Variants in HECTD4 observed in about 807,000 individuals in gnomAD.
The protein encoded by HECTD4 is HECT domain E3 ubiquitin protein ligase 4.
HECTD4 carries 114 observed loss-of-function variants against 471.5 expected under a neutral mutation model. The observed-to-expected ratio is 0.24, with a 90% CI of 0.21 to 0.28. HECTD4 has a LOEUF of 0.28. HECTD4 is among the 10% of genes least tolerant of loss of function. The probability of loss-of-function intolerance (pLI) is 1.00; values close to 1 mark genes in which losing one functional copy is unlikely to be tolerated. For synonymous variants in HECTD4, 2,012 were observed against 2,256.0 expected, an observed-to-expected ratio of 0.89 and a Z score of 3.07; for missense variants, 3,866 against 5,651.5, an observed-to-expected ratio of 0.68 and a Z score of 10.13.
chr12:112,228,135 C>G lies in HECTD4; in HGVS notation c.6808G>C (p.Ala2270Pro). 3.1e-6 allele frequency: 5 copies of G among 1,613,732 alleles called. No homozygotes were observed. The highest frequency in any genetic ancestry group is 4.2e-6 in the Non-Finnish European group (5 of 1,179,766). ...TSLPATGDGS[A>P]PVMAVVRLLA... is the part of the protein sequence containing the mutation. ...AGCCGAACGACTGCCATCACAGGAG[C>G]TGACCCATCTCCTGTTGCAGGAAGT... The change falls in exon 43 of 76, where the codon GCT becomes CCT. Residue 2270 changes from alanine (A) to proline (P), a missense_variant. By Grantham distance (27) the Ala-to-Pro change is conservative. This residue lies in a region of HECTD4 where 617 missense variants were observed against 915.1 expected (regional missense o/e 0.67). Coordinates refer to ENST00000682272, the MANE Select transcript of HECTD4 (RefSeq NM_001388303.1). This position sits in a 1 kb window ranked among gnomAD's most constrained non-coding sequence, Gnocchi z 4.9.
intron 50 of HECTD4, 138 bp downstream of exon 50, chr12:112,209,877 G>A: frequency 1.4e-6 from 1 of 691,784 alleles, no homozygotes; most frequent in Non-Finnish European, 2.5e-6. Context: ...CCAGGCCTGT[G>A]ACCCCATTAC....
At chr12:112,292,553 T>C (rs1387471211) in intron 7 of HECTD4, among the ~76,000 whole-genome samples, 2 of 152,212 alleles carry the variant, frequency 1.3e-5, no homozygotes, top group South Asian at 2.1e-4. Context: ...CTACCTGGCA[T>C]GTAGAAGGCC....
chr12:112,192,052 A>T (rs2032096446), intron 59 of HECTD4, among the ~76,000 whole-genome samples: 1 of 152,206 alleles, frequency 6.6e-6, no homozygotes, highest in South Asian at 2.1e-4. Context: ...GTTTCAGGGC[A>T]TGTGGAGGCA....
chr12:112,182,092 TA>T (rs202020787), intron 62 of HECTD4, among the ~76,000 whole-genome samples: 26 of 146,418 alleles, frequency 1.8e-4, no homozygotes, highest in Non-Finnish European at 2.3e-4. Flanking sequence ...GACTCTGTCT[TA>T]AAAAAAAAAA....
chr12:112,246,639 A>C (rs1029731617), intron 29 of HECTD4, among the ~76,000 whole-genome samples: 5 of 152,230 alleles, frequency 3.3e-5, no homozygotes, highest in African/African-American at 1.2e-4. Context: ...AGTCTCAAAA[A>C]ATAAAATAAA....
chr12:112,290,464 T>C (rs1323328316), intron 7 of HECTD4, among the ~76,000 whole-genome samples: 1 of 151,548 alleles, frequency 6.6e-6, no homozygotes, highest in Non-Finnish European at 1.5e-5. Context: ...GGTTCTAGGC[T>C]GCAGTGAACT....
chr12:112,354,500 A>T (rs1314252658), intron 1 of HECTD4, among the ~76,000 whole-genome samples: 1 of 152,210 alleles, frequency 6.6e-6, no homozygotes, highest in East Asian at 1.9e-4. Context: ...AGTCTGAGCA[A>T]ACATGGTGAA....
intron 29 of HECTD4, among the ~76,000 whole-genome samples, chr12:112,244,634 G>A (rs1020316597): frequency 6.6e-6 from 1 of 152,202 alleles, no homozygotes; most frequent in Non-Finnish European, 1.5e-5. Flanking sequence ...GCCTCCCAAA[G>A]TGCCAGGATT....
At position 112,207,990 on chromosome 12, in the gene HECTD4, T is replaced by G; in HGVS notation, c.8015A>C (p.Tyr2672Ser). 6.2e-7 allele frequency: 1 copy of G among 1,613,334 alleles called. No homozygotes were observed. Among genetic ancestry groups the G allele is most frequent in the Non-Finnish European group, 8.5e-7 (1 of 1,179,602 alleles). The change falls in exon 52 of 76, where the codon TAC (tyrosine) becomes TCC (serine). Residue 2672 changes from tyrosine to serine, a missense_variant. This residue lies in a region of HECTD4 where 266 missense variants were observed against 441.6 expected (regional missense o/e 0.60). Transcript: ENST00000682272. ...CTCCCATGCTTTCACCAGCAGGGCG[T>G]AGTGGTCCTCCTGGAAGCAGAAGGA... ...DDDDIPQEDH[Y>S]ALLVKAWETK...
At chr12:112,244,553 T>C (rs544187832) in intron 29 of HECTD4, among the ~76,000 whole-genome samples, 70 of 152,230 alleles carry the variant, frequency 4.6e-4, no homozygotes, top group African/African-American at 1.6e-3. Context: ...ATTTTTTTAG[T>C]AGAGACGGGG....
intron 72 of HECTD4, 22 bp downstream of exon 72, chr12:112,167,295 C>G (rs770659789): frequency 6.3e-7 from 1 of 1,589,812 alleles, no homozygotes; most frequent in Non-Finnish European, 8.6e-7. Context: ...TGCAGCCCCC[C>G]AGAACTGTGC....
chr12:112,288,484 T>C (rs1437896436), intron 7 of HECTD4, among the ~76,000 whole-genome samples: 1 of 151,768 alleles, frequency 6.6e-6, no homozygotes, highest in Non-Finnish European at 1.5e-5. Context: ...TAGCCAGGCA[T>C]GGTGGCATGA....
intron 70 of HECTD4, among the ~76,000 whole-genome samples, chr12:112,168,366 C>T (rs951952177): frequency 1.3e-5 from 2 of 152,138 alleles, no homozygotes; most frequent in Admixed American, 6.5e-5. Context: ...TGCCCGGGCT[C>T]GCGTATGTCC....
At chr12:112,178,502 G>A (rs1259796491) in intron 64 of HECTD4, among the ~76,000 whole-genome samples, 1 of 152,154 alleles carries the variant, frequency 6.6e-6, no homozygotes, top group Non-Finnish European at 1.5e-5. Context: ...TCACCTGATG[G>A]AGCTGAGGAC....
In HECTD4 at chr12:112,184,412, C is replaced by T; in HGVS notation, c.10554G>A (p.Leu3518=). The change falls in exon 61 of 76, where the codon CTG becomes CTA. Residue 3518 remains leucine (L), a synonymous_variant. Coordinates refer to ENST00000682272, the MANE Select transcript of HECTD4 (RefSeq NM_001388303.1). This position sits in a 1 kb window ranked among gnomAD's most constrained non-coding sequence, Gnocchi z 9.1. ...SVDPLPAGLE[L]PIPPGLLEPH... is the part of the protein sequence containing the mutation. ...GCTCCAACAGGCCCGGAGGGATGGG[C>T]AGCTCGAGGCCGGCAGGCAGCGGAT... The T allele has an allele frequency of 3.1e-6, 5 of 1,605,918 alleles. No individual in the cohort carries two copies. The highest frequency in any genetic ancestry group is 1.1e-5 in the South Asian group (1 of 90,740).
At chr12:112,170,179 T>G in intron 69 of HECTD4, 154 bp downstream of exon 69, 1 of 1,080,390 alleles carries the variant, frequency 9.3e-7, no homozygotes, top group Non-Finnish European at 1.3e-6. Flanking sequence ...TGAGGGGACC[T>G]TCCAGCAGGA....
intron 1 of HECTD4, among the ~76,000 whole-genome samples, chr12:112,336,134 A>T (rs1409258134): frequency 3.9e-5 from 6 of 152,238 alleles, no homozygotes; most frequent in Admixed American, 3.9e-4. Context: ...TGAAATAAGC[A>T]AAATCTAGAC....
chr12:112,341,667 G>A (rs2036056741), intron 1 of HECTD4, among the ~76,000 whole-genome samples: 1 of 152,106 alleles, frequency 6.6e-6, no homozygotes, highest in Non-Finnish European at 1.5e-5. Flanking sequence ...AGTCTGCAAA[G>A]AACAAATGTT....
At chr12:112,308,669 GTAT>G in intron 6 of HECTD4, 81 bp downstream of exon 6, 2 of 1,237,280 alleles carry the variant, frequency 1.6e-6, no homozygotes, top group South Asian at 3.1e-5. Context: ...TATATCAACT[GTAT>G]TATTATTACT....
Sources: gnomAD v4.1 joint callset for allele counts (sites outside exome capture counted in the v4.1 genomes callset) on GRCh38, gnomAD v4.1.1 for gene constraint, gnomAD v4.1.1 regional missense constraint, Gnocchi (gnomAD v3.1) non-coding constraint, MANE v1.5 for transcripts, NCBI Gene and HGNC (gene_info 2026-07-23, HGNC 2026-07-21) for gene names.